The following BARX2 variants were observed in gnomAD, a reference collection of about 807,000 sequenced individuals.
BARX2 encodes the protein BARX homeobox 2.
Under a neutral mutation model 25.5 loss-of-function variants are expected in BARX2, and 11 were observed. The ratio of observed to expected loss-of-function variants is 0.43; its 90% CI spans 0.27 to 0.71. BARX2 has a LOEUF of 0.71. Among genes scored for constraint, BARX2 ranks in the 30% least tolerant of loss-of-function variants. The pLI is 0.19. For missense variants in BARX2, 360 were observed against 359.9 expected (o/e 1.00, Z 0.00); for synonymous variants, 137 against 149.5 (o/e 0.92, Z 0.61).
At chr11:129,396,368 A>T (rs959555752) in intron 1 of BARX2, among the ~76,000 whole-genome samples, 3 of 148,006 alleles carry the variant, frequency 2.0e-5, no homozygotes, top group Admixed American at 1.4e-4. Context: ...TGGCTTTCTG[A>T]TATTGCCACT....
intron 1 of BARX2, among the ~76,000 whole-genome samples, chr11:129,404,778 A>G (rs932294077): frequency 6.6e-6 from 1 of 152,180 alleles, no homozygotes; most frequent in African/African-American, 2.4e-5. Context: ...TTCCTGGTGG[A>G]GGAGCCATTC....
intron 3 of BARX2, 57 bp from the exon 4 acceptor site, chr11:129,451,079 A>AAAGG: frequency 6.3e-7 from 1 of 1,579,010 alleles, no homozygotes; most frequent in Non-Finnish European, 8.6e-7. Flanking sequence ...CTGGGAGTGG[A>AAAGG]AAGGTGGAGG....
intron 1 of BARX2, among the ~76,000 whole-genome samples, chr11:129,382,264 T>G (rs1233032377): frequency 2.0e-5 from 3 of 152,134 alleles, no homozygotes; most frequent in Non-Finnish European, 4.4e-5. Context: ...CTGCAACCTC[T>G]GCTTCCCGGG....
chr11:129,421,863 G>A (rs934371026), intron 1 of BARX2, among the ~76,000 whole-genome samples: 1 of 151,724 alleles, frequency 6.6e-6, no homozygotes, highest in Non-Finnish European at 1.5e-5. Flanking sequence ...TTTTTGGACA[G>A]TTATAATTTG....
At chr11:129,403,567 A>G (rs1397837692) in intron 1 of BARX2, among the ~76,000 whole-genome samples, 1 of 152,186 alleles carries the variant, frequency 6.6e-6, no homozygotes, top group East Asian at 1.9e-4. Context: ...TACGTTTGCC[A>G]TACAACTGGC....
chr11:129,426,991 G>A (rs115903446), intron 1 of BARX2, among the ~76,000 whole-genome samples: 1,537 of 152,274 alleles, frequency 0.01, 20 homozygotes, highest in African/African-American at 0.035. Flanking sequence ...GGCCGACTCT[G>A]CTACTGCTGA....
Position 129,451,716 on chromosome 11 carries a change from A to G in BARX2, c.*314A>G, listed in dbSNP as rs1862403891. The G allele has an allele frequency of 3.1e-6, 1 of 318,144 alleles. No individual in the cohort carries two copies. The highest frequency in any genetic ancestry group is 5.9e-6 in the Non-Finnish European group (1 of 170,676). The allele number at this position is 318,144 out of a possible 1,614,324, so 19.7% of individuals were successfully genotyped here. A position where few individuals can be genotyped will look rare whatever the true frequency, so the allele number is the denominator to read the frequency against. ...GGGCTGGGTCTATGTTGCAAGCCCT[A>G]TATCCTAGCATGCAGTGGAAAGTGC... On this transcript the variant is annotated 3_prime_UTR_variant, in exon 4 of 4. Transcript: ENST00000281437.
intron 1 of BARX2, among the ~76,000 whole-genome samples, chr11:129,412,060 C>G (rs909844144): frequency 4.6e-5 from 7 of 152,188 alleles, no homozygotes; most frequent in African/African-American, 1.7e-4. Context: ...ATCACAAGGT[C>G]AGGAGATTGA....
chr11:129,403,153 T>G (rs1861795120), intron 1 of BARX2, among the ~76,000 whole-genome samples: 1 of 152,150 alleles, frequency 6.6e-6, no homozygotes, highest in Non-Finnish European at 1.5e-5. Context: ...CTCAAGTGGG[T>G]TTTTCCAGCC....
intron 1 of BARX2, among the ~76,000 whole-genome samples, chr11:129,381,931 G>A (rs1434940105): frequency 6.6e-6 from 1 of 152,190 alleles, no homozygotes; most frequent in African/African-American, 2.4e-5. Flanking sequence ...GTGAAATTCT[G>A]TCGCTCCATG....
At chr11:129,440,462 C>T (rs1300143776) in intron 2 of BARX2, among the ~76,000 whole-genome samples, 1 of 152,188 alleles carries the variant, frequency 6.6e-6, no homozygotes, top group East Asian at 1.9e-4. Context: ...TGGGGTGGCC[C>T]CCTGGGTTCT....
chr11:129,446,436 G>T (rs12221845), intron 3 of BARX2, among the ~76,000 whole-genome samples: 3 of 152,112 alleles, frequency 2.0e-5, no homozygotes, highest in Non-Finnish European at 4.4e-5. Context: ...TTCCTCTCCA[G>T]TAAAAGGCCT....
At chr11:129,388,092 A>ATT (rs1861632356) in intron 1 of BARX2, among the ~76,000 whole-genome samples, 1 of 61,382 alleles carries the variant, frequency 1.6e-5, no homozygotes, top group Admixed American at 2.6e-4. Flanking sequence ...TAGGCAACAT[A>ATT]CTGTGTGTGT....
chr11:129,426,128 A>T (rs1862059675), intron 1 of BARX2, among the ~76,000 whole-genome samples: 1 of 151,812 alleles, frequency 6.6e-6, no homozygotes, highest in African/African-American at 2.4e-5. Flanking sequence ...TAGAGAGTGC[A>T]TCTGTTTCAT....
chr11:129,443,775 A>C (rs1862291458), intron 3 of BARX2, among the ~76,000 whole-genome samples: 1 of 152,146 alleles, frequency 6.6e-6, no homozygotes, highest in Non-Finnish European at 1.5e-5. Flanking sequence ...AAATTTTCCA[A>C]AGTAGTTGAG....
At chr11:129,417,674 T>C (rs1861959760) in intron 1 of BARX2, among the ~76,000 whole-genome samples, 1 of 152,202 alleles carries the variant, frequency 6.6e-6, no homozygotes, top group South Asian at 2.1e-4. Flanking sequence ...GTTGTTACAC[T>C]TGGTGTGGGA....
rs750915944 is a variant in BARX2 at position 129,436,967 on chromosome 11, G to A, written c.404G>A (p.Arg135Gln). The change falls in exon 2 of 4, where the codon CGG becomes CAG. Residue 135 changes from arginine (R) to glutamine (Q), a missense_variant. Arg to Gln is a conservative substitution (Grantham distance 43). Coordinates refer to ENST00000281437, the MANE Select transcript of BARX2 (RefSeq NM_003658.5). The surrounding 1 kb of genome is among the most constrained non-coding windows in gnomAD (Gnocchi z 4.5). The stretch of plus-strand genomic sequence containing the variant: ...ACGCCCCGACAGAAGAAGCCCCGCC[G>A]GAGTCGCACCATCTTCACCGAGCTG... The part of the protein sequence containing the change: ...QPTPRQKKPR[R>Q]SRTIFTELQL... 17 of 1,611,024 alleles carry A rather than the reference G, an allele frequency of 1.1e-5. No individual in the cohort carries two copies. The highest frequency in any genetic ancestry group is 6.6e-5 in the South Asian group (6 of 90,782).
At chr11:129,402,022 T>G (rs1353496066) in intron 1 of BARX2, among the ~76,000 whole-genome samples, 1 of 151,558 alleles carries the variant, frequency 6.6e-6, no homozygotes, top group Non-Finnish European at 1.5e-5. Context: ...ACAGTGGTTT[T>G]TTTTTTTTTC....
chr11:129,405,763 A>G (rs1490070294), intron 1 of BARX2, among the ~76,000 whole-genome samples: 1 of 152,206 alleles, frequency 6.6e-6, no homozygotes, highest in Non-Finnish European at 1.5e-5. Context: ...TCTCCACGTC[A>G]TGCATGGTTT....
Sources: gnomAD v4.1 joint callset for allele counts (sites outside exome capture counted in the v4.1 genomes callset) on GRCh38, gnomAD v4.1.1 for gene constraint, Gnocchi (gnomAD v3.1) non-coding constraint, MANE v1.5 for transcripts, NCBI Gene and HGNC (gene_info 2026-07-23, HGNC 2026-07-21) for gene names.